The following ZNF773 variants were observed in gnomAD, a reference collection of about 807,000 sequenced individuals.
ZNF773 encodes the protein zinc finger protein 419B.
A neutral mutation model predicts 12.8 loss-of-function variants in ZNF773; 11 were observed. That is an observed-to-expected ratio of 0.86 (90% CI 0.54 to 1.42). The LOEUF is 1.42. Ranked by LOEUF, ZNF773 falls within the 40% of genes most tolerant of loss-of-function variation. The pLI is 0.00. For missense variants in ZNF773, 518 were observed against 527.2 expected (o/e 0.98, Z 0.17); for synonymous variants, 175 against 178.4 (o/e 0.98, Z 0.15).
downstream of ZNF773, among the ~76,000 whole-genome samples, chr19:57,512,723 C>G (rs1485862705): frequency 6.6e-6 from 1 of 152,196 alleles, no homozygotes; most frequent in Non-Finnish European, 1.5e-5. Flanking sequence ...GGCAAGCCTA[C>G]AACTGTGTCT....
At chr19:57,514,094 T>G (rs1259598533), downstream of ZNF773, 5 of 152,260 alleles carry the variant, frequency 3.3e-5, no homozygotes, top group Non-Finnish European at 7.3e-5. Flanking sequence ...CCACTGGCTA[T>G]GTCATTCATT....
At chr19:57,508,293 G>A (rs1360409383), downstream of ZNF773, 2 of 1,207,746 alleles carry the variant, frequency 1.7e-6, no homozygotes, top group Non-Finnish European at 1.1e-6. Flanking sequence ...ATAGCCCTCT[G>A]TCTTGGAGCT....
chr19:57,502,147 G>A (rs574498985), intron 1 of ZNF773, among the ~76,000 whole-genome samples: 1 of 152,122 alleles, frequency 6.6e-6, no homozygotes, highest in Non-Finnish European at 1.5e-5. Context: ...TCTCCATGTT[G>A]GTCAAGCAGG....
chr19:57,511,286 C>T (rs1197644215), downstream of ZNF773, among the ~76,000 whole-genome samples: 3 of 151,918 alleles, frequency 2.0e-5, no homozygotes, highest in Admixed American at 6.6e-5. Flanking sequence ...CTCCTGACCT[C>T]GTGATCTGCC....
At chr19:57,517,094 C>T (rs1393154000), downstream of ZNF773, 1 of 152,188 alleles carries the variant, frequency 6.6e-6, no homozygotes, top group Non-Finnish European at 1.5e-5. Context: ...TAATAATGCT[C>T]AATGCAGTTT....
At chr19:57,511,371 T>C (rs547114871), downstream of ZNF773, among the ~76,000 whole-genome samples, 78 of 152,208 alleles carry the variant, frequency 5.1e-4, no homozygotes, top group South Asian at 1.4e-3. Flanking sequence ...TAAATAAGAA[T>C]AAATTTGAAA....
downstream of ZNF773, chr19:57,513,991 A>T (rs998632998): frequency 6.6e-6 from 1 of 152,252 alleles, no homozygotes; most frequent in African/African-American, 2.4e-5. Context: ...TCTTGTTATC[A>T]ATGGAAAGTT....
chr19:57,501,686 T>C (rs2089672227), intron 1 of ZNF773, among the ~76,000 whole-genome samples: 2 of 152,276 alleles, frequency 1.3e-5, no homozygotes, highest in South Asian at 4.2e-4. Flanking sequence ...GCTTGGATGA[T>C]CCTTTGGTAA....
chr19:57,515,628 C>A (rs942506737), downstream of ZNF773: 1 of 152,142 alleles, frequency 6.6e-6, no homozygotes, highest in African/African-American at 2.4e-5. Context: ...TGTCTGTCAC[C>A]TTTTGCCCAT....
At position 57,508,218 on chromosome 19, in the gene ZNF773, A is replaced by G; in HGVS notation, c.*794A>G. On this transcript the variant is annotated 3_prime_UTR_variant, in exon 4 of 4. Coordinates refer to ENST00000282292, the MANE Select transcript of ZNF773 (RefSeq NM_198542.3). ...ATGAGGGAGCTGGCAATTGAACATC[A>G]TTCATCCAAATATGCACACTGGAGG... 9.0e-7 allele frequency: 1 copy of G among 1,110,476 alleles called. No homozygotes were observed. The highest frequency in any genetic ancestry group is 1.1e-6 in the Non-Finnish European group (1 of 911,008). 68.8% of individuals were successfully genotyped at this position (1,110,476 alleles called of 1,614,324 possible). A position where few individuals can be genotyped will look rare whatever the true frequency, so the allele number is the denominator to read the frequency against.
chr19:57,508,991 G>A, downstream of ZNF773, among the ~76,000 whole-genome samples: 1 of 152,066 alleles, frequency 6.6e-6, no homozygotes, highest in African/African-American at 2.4e-5. Context: ...TTAGAGTTGA[G>A]GTCTTGGTAT....
downstream of ZNF773, chr19:57,515,370 A>G (rs1479181314): frequency 2.6e-5 from 4 of 152,256 alleles, no homozygotes; most frequent in African/African-American, 7.2e-5. Context: ...CGTATGTTTC[A>G]TCTGCCTTGC....
downstream of ZNF773, among the ~76,000 whole-genome samples, chr19:57,509,162 G>A (rs570902925): frequency 6.6e-6 from 1 of 152,134 alleles, no homozygotes; most frequent in Non-Finnish European, 1.5e-5. Context: ...ATGAAGCCCA[G>A]TTTATCCATT....
chr19:57,506,279 G>C, intron 3 of ZNF773, 79 bp from the exon 4 acceptor site: 1 of 1,532,684 alleles, frequency 6.5e-7, no homozygotes, highest in Middle Eastern at 2.0e-4. Flanking sequence ...TAATTACCAG[G>C]TGTGTCAGAC....
intron 1 of ZNF773, among the ~76,000 whole-genome samples, chr19:57,502,190 C>G (rs1367249821): frequency 6.6e-6 from 1 of 152,170 alleles, no homozygotes; most frequent in Non-Finnish European, 1.5e-5. Flanking sequence ...GATCCGCCCA[C>G]CTCTGCCTCC....
downstream of ZNF773, chr19:57,515,830 A>G (rs751459295): frequency 2.0e-5 from 3 of 152,258 alleles, no homozygotes; most frequent in Non-Finnish European, 2.9e-5. Flanking sequence ...GGGGACTAGG[A>G]GACCAGCTAC....
At chr19:57,501,554 T>C (rs55714710) in intron 1 of ZNF773, among the ~76,000 whole-genome samples, 31,427 of 152,022 alleles carry the variant, frequency 0.21, 3,371 homozygotes, top group African/African-American at 0.25. Flanking sequence ...CAGATGGCAA[T>C]ACCAAGGCAC....
chr19:57,500,863 G>T (rs1225783729), intron 1 of ZNF773, among the ~76,000 whole-genome samples: 3 of 152,130 alleles, frequency 2.0e-5, no homozygotes, highest in African/African-American at 7.2e-5. Flanking sequence ...GAATCTTAAA[G>T]TTTTCTTTCA....
Position 57,507,220 on chromosome 19 carries a change from G to A in ZNF773, c.1125G>A (p.Met375Ile), listed in dbSNP as rs748568921. 9 of 1,610,932 alleles carry A rather than the reference G, an allele frequency of 5.6e-6. No individual in the cohort carries two copies. Among genetic ancestry groups the A allele is most frequent in the Admixed American group, 5.0e-5 (3 of 59,874 alleles). The change falls in exon 4 of 4, where the codon ATG (methionine) becomes ATA (isoleucine). Residue 375 changes from methionine to isoleucine, a missense_variant. Physicochemically the swap from Met to Ile is conservative, Grantham distance 10 (BLOSUM62 1). Transcript: ENST00000282292. ...TTTTTAGCCAAAGCTCAAGCCTCAT[G>A]CAACATCGAAAAGTTCACACTGGAG... ...GKFFSQSSSL[M>I]QHRKVHTGEK...
Sources: allele counts gnomAD v4.1 joint callset (sites outside exome capture counted in the v4.1 genomes callset), GRCh38; gene constraint gnomAD v4.1.1; transcripts MANE v1.5; gene names NCBI Gene and HGNC (gene_info 2026-07-23, HGNC 2026-07-21).